Variants in PIBF1 observed in about 807,000 individuals in gnomAD.
PIBF1 encodes the protein progesterone immunomodulatory binding factor 1.
Under a neutral mutation model 112.5 loss-of-function variants are expected in PIBF1, and 90 were observed. That is an observed-to-expected ratio of 0.80 (90% CI 0.67 to 0.95). The LOEUF (loss-of-function observed/expected upper bound fraction) is 0.95, where lower values mean the gene tolerates loss of function less well. Among genes scored for constraint, PIBF1 ranks in the 40% least tolerant of loss-of-function variants. PIBF1 has a pLI of 0.00. For missense variants in PIBF1, 915 were observed against 852.3 expected, an observed-to-expected ratio of 1.07 and a Z score of -0.92; for synonymous variants, 301 against 288.6, an observed-to-expected ratio of 1.04 and a Z score of -0.44.
At chr13:72,837,037 T>C (rs1027528657) in intron 9 of PIBF1, among the ~76,000 whole-genome samples, 1 of 152,074 alleles carries the variant, frequency 6.6e-6, no homozygotes, top group Non-Finnish European at 1.5e-5. Context: ...TTATGTCATA[T>C]TTATAATCTA....
At chr13:72,927,844 C>T (rs2041539182) in intron 13 of PIBF1, among the ~76,000 whole-genome samples, 1 of 148,216 alleles carries the variant, frequency 6.7e-6, no homozygotes. Flanking sequence ...TTTATATTAT[C>T]TTTTGTTCTT....
At chr13:72,892,525 A>G (rs2040096458) in intron 10 of PIBF1, among the ~76,000 whole-genome samples, 1 of 152,154 alleles carries the variant, frequency 6.6e-6, no homozygotes, top group South Asian at 2.1e-4. Flanking sequence ...ATTATGTAAT[A>G]GCAGAAAGAC....
At chr13:72,863,538 G>A (rs9543146) in intron 10 of PIBF1, among the ~76,000 whole-genome samples, 10,361 of 151,424 alleles carry the variant, frequency 0.068, 538 homozygotes, top group Middle Eastern at 0.12. Context: ...GGCACCTGTA[G>A]TCCTAGCTGC....
At chr13:72,917,052 A>G (rs2041127138) in intron 12 of PIBF1, 24 bp from the exon 13 acceptor site, 11 of 1,416,748 alleles carry the variant, frequency 7.8e-6, no homozygotes, top group Non-Finnish European at 1.1e-5. Flanking sequence ...GTTATTTCAC[A>G]TTATACACTT....
chr13:72,783,782 T>C, intron 2 of PIBF1, 61 bp downstream of exon 2: 1 of 1,432,328 alleles, frequency 7.0e-7, no homozygotes, highest in South Asian at 1.2e-5. Flanking sequence ...GGCAGGTAAA[T>C]AAGAATTAAA....
intron 8 of PIBF1, among the ~76,000 whole-genome samples, chr13:72,833,714 G>A (rs942644520): frequency 1.3e-5 from 2 of 152,168 alleles, no homozygotes; most frequent in South Asian, 4.1e-4. Context: ...TCCCAGTCAG[G>A]ATACACGGGG....
intron 16 of PIBF1, among the ~76,000 whole-genome samples, chr13:72,987,858 A>ATTTATTTTTTTTTT (rs1345167411): frequency 6.9e-5 from 4 of 58,120 alleles, no homozygotes; most frequent in African/African-American, 3.7e-4. Flanking sequence ...TTATTTATTT[A>ATTTATTTTTTTTTT]TTTTTTTTTT....
chr13:72,837,123 G>T (rs2037397397), intron 9 of PIBF1, among the ~76,000 whole-genome samples: 1 of 151,898 alleles, frequency 6.6e-6, no homozygotes, highest in Non-Finnish European at 1.5e-5. Flanking sequence ...TACTATCTTA[G>T]CAGTAGACAA....
chr13:72,938,299 A>G (rs912328537), intron 14 of PIBF1, among the ~76,000 whole-genome samples: 1 of 152,106 alleles, frequency 6.6e-6, no homozygotes, highest in Non-Finnish European at 1.5e-5. Flanking sequence ...CTATCTAGTA[A>G]AAGAGCATTT....
intron 10 of PIBF1, among the ~76,000 whole-genome samples, chr13:72,887,425 T>C (rs886929523): frequency 4.6e-5 from 7 of 151,860 alleles, no homozygotes; most frequent in African/African-American, 1.7e-4. Flanking sequence ...TTGGGTATAA[T>C]AGGGTAAGTG....
chr13:72,839,223 G>A (rs1031822114), intron 9 of PIBF1, among the ~76,000 whole-genome samples: 1 of 152,190 alleles, frequency 6.6e-6, no homozygotes, highest in Admixed American at 6.5e-5. Context: ...CAGTAAAGAT[G>A]AGAGAAATGG....
At chr13:73,000,068 C>T (rs1301926772) in intron 17 of PIBF1, among the ~76,000 whole-genome samples, 1 of 152,112 alleles carries the variant, frequency 6.6e-6, no homozygotes, top group East Asian at 1.9e-4. Flanking sequence ...AAATAAGGGA[C>T]AATTATTTTA....
At chr13:72,859,940 A>G (rs1001605507) in intron 10 of PIBF1, among the ~76,000 whole-genome samples, 2 of 152,330 alleles carry the variant, frequency 1.3e-5, no homozygotes, top group South Asian at 4.1e-4. Context: ...TTAAGCGTTC[A>G]CATATGAAAA....
intron 16 of PIBF1, among the ~76,000 whole-genome samples, chr13:72,992,493 G>A (rs9530129): frequency 0.11 from 16,779 of 152,002 alleles, 1,269 homozygotes; most frequent in Non-Finnish European, 0.17. Context: ...ACAAATTATC[G>A]CATCCACGTA....
intron 17 of PIBF1, among the ~76,000 whole-genome samples, chr13:73,006,982 A>G (rs1388783834): frequency 6.6e-6 from 1 of 151,600 alleles, no homozygotes; most frequent in African/African-American, 2.4e-5. Context: ...TAACAATTTA[A>G]GGTTTTTATT....
At chr13:72,940,108 T>C (rs1245115566) in intron 14 of PIBF1, among the ~76,000 whole-genome samples, 3 of 152,140 alleles carry the variant, frequency 2.0e-5, no homozygotes, top group Non-Finnish European at 4.4e-5. Context: ...TTTTAAATAC[T>C]TCAATCCTCT....
chr13:73,000,819 T>C (rs1024699660), intron 17 of PIBF1, among the ~76,000 whole-genome samples: 1 of 152,178 alleles, frequency 6.6e-6, no homozygotes, highest in African/African-American at 2.4e-5. Flanking sequence ...AGTACATGAG[T>C]AACAATAAGA....
intron 8 of PIBF1, among the ~76,000 whole-genome samples, chr13:72,831,988 A>G (rs2037138575): frequency 6.9e-6 from 1 of 145,846 alleles, no homozygotes; most frequent in Admixed American, 7.0e-5. Flanking sequence ...TGATCCCTTT[A>G]CTATTATGTA....
rs545616558 is a variant in PIBF1, at chr13:72,826,628, AT to A, written c.807-371del. On this transcript the variant is annotated intron_variant, in intron 6 of 17. Transcript: ENST00000326291. ...CTATGCAATCTAAATGATAAGTTGT[AT>A]TTTTTTTTTTACCTTAACTGAACTG... Among the ~76,000 whole-genome samples, 490 of 148,402 alleles carry A rather than the reference AT, an allele frequency of 3.3e-3. 2 individuals carry two copies. Among genetic ancestry groups the A allele is most frequent in the African/African-American group, 8.5e-3 (347 of 40,676 alleles).
Sources: allele counts gnomAD v4.1 joint callset (sites outside exome capture counted in the v4.1 genomes callset), GRCh38; gene constraint gnomAD v4.1.1; transcripts MANE v1.5; gene names NCBI Gene and HGNC (gene_info 2026-07-23, HGNC 2026-07-21).